Variants in UROD observed in about 807,000 individuals in gnomAD.
UROD encodes uroporphyrinogen decarboxylase.
In UROD, 34 loss-of-function variants were observed where a neutral mutation model predicts 47.1. That is an observed-to-expected ratio of 0.72 (90% CI 0.55 to 0.96). The LOEUF (loss-of-function observed/expected upper bound fraction) is 0.96. Among genes scored for constraint, UROD ranks in the 40% least tolerant of loss-of-function variants. The pLI is 0.00. For synonymous variants in UROD, 148 were observed against 175.8 expected (o/e 0.84, Z 1.25); for missense variants, 381 against 471.8 (o/e 0.81, Z 1.78).
At chr1:45,012,611 A>T (rs1569958456) in intron 1 of UROD, 2 of 621,240 alleles carry the variant, frequency 3.2e-6, no homozygotes, top group East Asian at 5.6e-5. Flanking sequence ...TAGTTCGAAG[A>T]CCCCCAAACT....
chr1:45,013,014 T>C lies in UROD; in HGVS notation c.128T>C (p.Leu43Ser). 1 of 1,614,094 alleles carries C rather than the reference T, an allele frequency of 6.2e-7. No homozygotes were observed. Among genetic ancestry groups the C allele is most frequent in the Non-Finnish European group, 8.5e-7 (1 of 1,180,016 alleles). Residue 43 changes from leucine to serine, a missense_variant, in exon 2 of 10, where the codon TTA (leucine) becomes TCA (serine). By Grantham distance (145) the Leu-to-Ser change is moderately radical (BLOSUM62 -2). Coordinates refer to ENST00000246337, the MANE Select transcript of UROD (RefSeq NM_000374.5). This position sits in a 1 kb window ranked among gnomAD's most constrained non-coding sequence, Gnocchi z 4.2. ...VWCMRQAGRY[L>S]PEFRETRAAQ... ...TGCATGCGCCAGGCAGGCCGTTACTTACCAGGTAAGAGTCAGGGTCTGGAA... is the reference window on the plus strand; with the variant it reads ...TGCATGCGCCAGGCAGGCCGTTACTCACCAGGTAAGAGTCAGGGTCTGGAA...
chr1:45,012,569 A>T, intron 1 of UROD: 1 of 617,576 alleles, frequency 1.6e-6, no homozygotes, highest in Non-Finnish European at 2.8e-6. Context: ...CCCCTGAACC[A>T]GCCCAGTGAC....
chr1:45,014,369 G>C (rs1381987569), intron 6 of UROD, 70 bp from the exon 7 acceptor site: 35 of 1,611,270 alleles, frequency 2.2e-5, no homozygotes, highest in Non-Finnish European at 3.0e-5. Context: ...GAAAATTGAG[G>C]TGGATTTTGT....
rs758686363 is a variant in UROD, at chr1:45,013,817, G to A, written c.474+26G>A. 1.1e-5 allele frequency: 17 copies of A among 1,614,128 alleles called. 1 individual carries two copies. In the South Asian group the frequency reaches 1.2e-4, roughly 11 times the overall value. On this transcript the variant is annotated intron_variant, in intron 5 of 9. Coordinates refer to ENST00000246337, the MANE Select transcript of UROD (RefSeq NM_000374.5). The surrounding 1 kb of genome is among the most constrained non-coding windows in gnomAD (Gnocchi z 4.2). ...GTAATGTGGGACAGGGCAGGGACTC[G>A]GGGCGCGGGGAGATCACTCTGGAAG...
In UROD at chr1:45,013,417, T is replaced by G. The variant is rs775439475; in HGVS notation, c.276+63T>G. On this transcript the variant is annotated intron_variant, in intron 4 of 9. Coordinates refer to ENST00000246337, the MANE Select transcript of UROD (RefSeq NM_000374.5). This position sits in a 1 kb window ranked among gnomAD's most constrained non-coding sequence, Gnocchi z 4.2. ...GACGCCTTGAAAATCCTTCTATCAG[T>G]CCAGTCAAGGTTTACAATAAGCACT... is the stretch of plus-strand genomic sequence containing the variant. 1 of 1,611,422 alleles carries G rather than the reference T, an allele frequency of 6.2e-7. No individual in the cohort carries two copies. Among genetic ancestry groups the G allele is most frequent in the African/African-American group, 1.3e-5 (1 of 74,940 alleles).
At position 45,012,345 on chromosome 1, in the gene UROD, C is replaced by T. The variant is rs1373524699; in HGVS notation, c.20+60C>T. Reference sequence around the variant, plus strand: ...GGCTTCTAATTTGAGTCTTCCAACTCAGGACTCTATCCCTCTACTCCCCTT... The same window carrying T: ...GGCTTCTAATTTGAGTCTTCCAACTTAGGACTCTATCCCTCTACTCCCCTT... On this transcript the variant is annotated intron_variant, in intron 1 of 9. Coordinates refer to ENST00000246337, the MANE Select transcript of UROD (RefSeq NM_000374.5). 5 of 1,612,844 alleles carry T rather than the reference C, an allele frequency of 3.1e-6. No individual in the cohort carries two copies. In the African/African-American group the frequency reaches 4.0e-5, roughly 13 times the overall value.
chr1:45,015,434 C>T lies in UROD; in HGVS notation c.1040C>T (p.Pro347Leu), dbSNP rs772100256. Reference sequence around the variant, plus strand: ...CATGGGCTTTATCCTGACATGGACCCAGAACATGTGGGCGCCTTTGTGGAT... The same window carrying T: ...CATGGGCTTTATCCTGACATGGACCTAGAACATGTGGGCGCCTTTGTGGAT... The part of the protein sequence containing the change: ...LGHGLYPDMD[P>L]EHVGAFVDAV... The change falls in exon 10 of 10, where the codon CCA becomes CTA. Residue 347 changes from proline to leucine, a missense_variant. Coordinates refer to ENST00000246337, the MANE Select transcript of UROD (RefSeq NM_000374.5). The T allele has an allele frequency of 5.0e-6, 8 of 1,614,040 alleles. No individual in the cohort carries two copies. The highest frequency in any genetic ancestry group is 1.3e-5 in the African/African-American group (1 of 74,916).
chr1:45,013,397 C>T lies in UROD; in HGVS notation c.276+43C>T, dbSNP rs536834585. ...ATCCTAGAATATAATCCAAGGACGCCTTGAAAATCCTTCTATCAGTCCAGT... is the reference window on the plus strand; with the variant it reads ...ATCCTAGAATATAATCCAAGGACGCTTTGAAAATCCTTCTATCAGTCCAGT... On this transcript the variant is annotated intron_variant, in intron 4 of 9. Coordinates refer to ENST00000246337, the MANE Select transcript of UROD (RefSeq NM_000374.5). The surrounding 1 kb of genome is among the most constrained non-coding windows in gnomAD (Gnocchi z 4.2). 1.9e-6 allele frequency: 3 copies of T among 1,613,162 alleles called. No individual in the cohort carries two copies. In the East Asian group the frequency reaches 6.7e-5, roughly 36 times the overall value.
rs1804884 is a variant in UROD at position 45,015,544 on chromosome 1, G to A, written c.*46G>A. The stretch of plus-strand genomic sequence containing the variant: ...GTACCACTAACACAGATGATTGATC[G>A]TTTCCAGGACAATAAAAGTTTCGGA... On this transcript the variant is annotated 3_prime_UTR_variant, in exon 10 of 10. Coordinates refer to ENST00000246337, the MANE Select transcript of UROD (RefSeq NM_000374.5). 45 of 1,613,546 alleles carry A rather than the reference G, an allele frequency of 2.8e-5. No homozygotes were observed. Among genetic ancestry groups the A allele is most frequent in the Admixed American group, 5.0e-5 (3 of 59,996 alleles).
At position 45,012,273 on chromosome 1, in the gene UROD, C is replaced by T. The variant is rs1644806170; in HGVS notation, c.8C>T (p.Ala3Val). 6 of 1,613,854 alleles carry T rather than the reference C, an allele frequency of 3.7e-6. No homozygotes were observed. Among genetic ancestry groups the T allele is most frequent in the Non-Finnish European group, 5.1e-6 (6 of 1,180,036 alleles). ME[A>V]NGLGPQGFPE... ...AGTTACAGACAGCTGACCATGGAAG[C>T]GAATGGGTTGGGGTGAGTTCTCCAG... is the stretch of plus-strand genomic sequence containing the variant. Residue 3 changes from alanine to valine, a missense_variant, in exon 1 of 10, where the codon GCG becomes GTG. Coordinates refer to ENST00000246337, the MANE Select transcript of UROD (RefSeq NM_000374.5).
chr1:45,013,406 C>A lies in UROD; in HGVS notation c.276+52C>A, dbSNP rs771158267. 1.2e-6 allele frequency: 2 copies of A among 1,612,788 alleles called. No individual in the cohort carries two copies. Among genetic ancestry groups the A allele is most frequent in the South Asian group, 2.2e-5 (2 of 91,048 alleles). ...TATAATCCAAGGACGCCTTGAAAAT[C>A]CTTCTATCAGTCCAGTCAAGGTTTA... On this transcript the variant is annotated intron_variant, in intron 4 of 9. Coordinates refer to ENST00000246337, the MANE Select transcript of UROD (RefSeq NM_000374.5). The surrounding 1 kb of genome is among the most constrained non-coding windows in gnomAD (Gnocchi z 4.2).
At position 45,013,494 on chromosome 1, in the gene UROD, C is replaced by G; in HGVS notation, c.277-100C>G. 1 of 1,602,974 alleles carries G rather than the reference C, an allele frequency of 6.2e-7. No individual in the cohort carries two copies. Among genetic ancestry groups the G allele is most frequent in the South Asian group, 1.1e-5 (1 of 90,470 alleles). On this transcript the variant is annotated intron_variant, in intron 4 of 9. Coordinates refer to ENST00000246337, the MANE Select transcript of UROD (RefSeq NM_000374.5). The surrounding 1 kb of genome is among the most constrained non-coding windows in gnomAD (Gnocchi z 4.2). ...TAAGGTTGAAAGAAATGGAGTTTGGCAGAGTTTTATTCTCCTTTTCCTTCC... is the reference window on the plus strand; with the variant it reads ...TAAGGTTGAAAGAAATGGAGTTTGGGAGAGTTTTATTCTCCTTTTCCTTCC...
intron 6 of UROD, 84 bp downstream of exon 6, chr1:45,014,154 G>T: frequency 6.3e-7 from 1 of 1,595,508 alleles, no homozygotes; most frequent in Non-Finnish European, 8.6e-7. Context: ...GAGAGGGCAG[G>T]GGTCTTAATG....
Position 45,013,073 on chromosome 1 carries a change from C to A in UROD, c.133+54C>A. The A allele has an allele frequency of 6.2e-7, 1 of 1,614,046 alleles. No individual in the cohort carries two copies. Among genetic ancestry groups the A allele is most frequent in the South Asian group, 1.1e-5 (1 of 91,084 alleles). The stretch of plus-strand genomic sequence containing the variant: ...AAAACTCCGGAGGGAGAAAAGTTTT[C>A]GAGGGGCAGGGGAGGGCTCTGGAGG... On this transcript the variant is annotated intron_variant, in intron 2 of 9. Coordinates refer to ENST00000246337, the MANE Select transcript of UROD (RefSeq NM_000374.5). The surrounding 1 kb of genome is among the most constrained non-coding windows in gnomAD (Gnocchi z 4.2).
At chr1:45,014,267 G>A (rs1644830125) in intron 6 of UROD, 172 bp from the exon 7 acceptor site, 2 of 1,306,258 alleles carry the variant, frequency 1.5e-6, no homozygotes, top group Non-Finnish European at 2.2e-6. Context: ...AGACACCAAA[G>A]TTAGTGCTGG....
intron 6 of UROD, 26 bp downstream of exon 6, chr1:45,014,096 G>C (rs1298217957): frequency 3.7e-6 from 6 of 1,614,124 alleles, no homozygotes; most frequent in Non-Finnish European, 3.4e-6. Flanking sequence ...GAGAGAAATA[G>C]GCTGGGATTT....
Position 45,015,413 on chromosome 1 carries a change from G to T in UROD, c.1019G>T (p.Gly340Val). 1 of 1,614,184 alleles carries T rather than the reference G, an allele frequency of 6.2e-7. No homozygotes were observed. Among genetic ancestry groups the T allele is most frequent in the Non-Finnish European group, 8.5e-7 (1 of 1,180,044 alleles). The stretch of plus-strand genomic sequence containing the variant: ...CGCTACATTGCCAACCTGGGCCATG[G>T]GCTTTATCCTGACATGGACCCAGAA... ...PHRYIANLGH[G>V]LYPDMDPEHV... Residue 340 changes from glycine (G) to valine (V), a missense_variant, in exon 10 of 10, where the codon GGG becomes GTG. Gly to Val is a moderately radical substitution (Grantham distance 109, BLOSUM62 -3). Coordinates refer to ENST00000246337, the MANE Select transcript of UROD (RefSeq NM_000374.5).
rs756466135 is a variant in UROD at position 45,013,629 on chromosome 1, A to G, written c.312A>G (p.Lys104=). Reference sequence around the variant, plus strand: ...TGGAGGTGACCATGGTACCTGGCAAAGGACCCAGCTTCCCAGAGCCATTAA... The same window carrying G: ...TGGAGGTGACCATGGTACCTGGCAAGGGACCCAGCTTCCCAGAGCCATTAA... The part of the protein sequence containing the change: ...LGMEVTMVPG[K]GPSFPEPLRE... Residue 104 remains lysine (K), a synonymous_variant, in exon 5 of 10, where the codon AAA becomes AAG. Coordinates refer to ENST00000246337, the MANE Select transcript of UROD (RefSeq NM_000374.5). The surrounding 1 kb of genome is among the most constrained non-coding windows in gnomAD (Gnocchi z 4.2). 1.2e-6 allele frequency: 2 copies of G among 1,614,000 alleles called. No homozygotes were observed. Among genetic ancestry groups the G allele is most frequent in the Admixed American group, 3.3e-5 (2 of 60,006 alleles).
rs181895790 is a variant in UROD, at chr1:45,014,424, C to T, written c.637-15C>T. The T allele has an allele frequency of 1.2e-6, 2 of 1,614,044 alleles. No individual in the cohort carries two copies. The highest frequency in any genetic ancestry group is 2.7e-5 in the African/African-American group (2 of 75,012). On this transcript the variant is annotated splice_polypyrimidine_tract_variant and intron_variant, in intron 6 of 9. Coordinates refer to ENST00000246337, the MANE Select transcript of UROD (RefSeq NM_000374.5). ...TTTGTGTGTTACATATTTTTCTTCA[C>T]CATACCCTAACTAGGCATTGCAGCT...
Sources: gnomAD v4.1 joint callset for allele counts on GRCh38, gnomAD v4.1.1 for gene constraint, Gnocchi (gnomAD v3.1) non-coding constraint, MANE v1.5 for transcripts, NCBI Gene and HGNC (gene_info 2026-07-23, HGNC 2026-07-21) for gene names.